Variants in MTNAP1 observed in about 807,000 individuals in gnomAD.
The protein encoded by MTNAP1 is mitochondrial nucleoid associated protein 1.
chr17:73,237,312 T>C, the MTNAP1 span, among the ~76,000 whole-genome samples: 1 of 152,134 alleles, frequency 6.6e-6, no homozygotes, highest in African/African-American at 2.4e-5. Context: ...GTGGCGCACC[T>C]GTAGTCCCAG....
chr17:73,246,214 G>A, the MTNAP1 span, among the ~76,000 whole-genome samples: 3 of 152,176 alleles, frequency 2.0e-5, no homozygotes, highest in African/African-American at 7.2e-5. Context: ...CATGAGGTCA[G>A]TTCCTCTTAT....
the MTNAP1 span, chr17:73,236,241 AG>A: frequency 4.3e-6 from 7 of 1,614,188 alleles, no homozygotes; most frequent in Non-Finnish European, 5.9e-6. Flanking sequence ...GAGATTCCAA[AG>A]GCAGGGATCA....
chr17:73,247,565 T>C, the MTNAP1 span: 1 of 486,204 alleles, frequency 2.1e-6, no homozygotes, highest in African/African-American at 1.9e-5. Context: ...TTTAACTTAG[T>C]CACAGTAAAT....
At chr17:73,246,906 T>C in the MTNAP1 span, among the ~76,000 whole-genome samples, 1 of 152,168 alleles carries the variant, frequency 6.6e-6, no homozygotes, top group Non-Finnish European at 1.5e-5. Context: ...TTAGGAGAGA[T>C]GCTTAAGGAT....
chr17:73,232,733 T>C, the MTNAP1 span: 78 of 168,700 alleles, frequency 4.6e-4, no homozygotes, highest in African/African-American at 1.8e-3. Context: ...GACGGTGCTC[T>C]GTGGGGAGCT....
At chr17:73,234,789 GTGTA>G in the MTNAP1 span, among the ~76,000 whole-genome samples, 5 of 151,080 alleles carry the variant, frequency 3.3e-5, no homozygotes, top group African/African-American at 1.2e-4. Flanking sequence ...GTGTGTGTGT[GTGTA>G]TATGCATATT....
chr17:73,233,448 C>T, the MTNAP1 span: 2 of 152,244 alleles, frequency 1.3e-5, no homozygotes, highest in African/African-American at 2.4e-5. Context: ...CCCTTCCTAA[C>T]GTTGTTAGCC....
At chr17:73,244,132 C>T in the MTNAP1 span, among the ~76,000 whole-genome samples, 1 of 152,262 alleles carries the variant, frequency 6.6e-6, no homozygotes, top group Non-Finnish European at 1.5e-5. Context: ...TTTCATTTAT[C>T]TTAATTCAAG....
the MTNAP1 span, chr17:73,242,239 C>T: frequency 6.4e-7 from 1 of 1,564,874 alleles, no homozygotes; most frequent in African/African-American, 1.4e-5. Flanking sequence ...TGTTTGGAAC[C>T]ATAGTTTCTT....
the MTNAP1 span, chr17:73,242,768 A>C: frequency 1.5e-6 from 1 of 670,288 alleles, no homozygotes; most frequent in South Asian, 1.9e-5. Flanking sequence ...ATGTGTTTAA[A>C]ATATGTGCGT....
At chr17:73,245,209 T>C in the MTNAP1 span, 2 of 1,613,506 alleles carry the variant, frequency 1.2e-6, no homozygotes, top group South Asian at 1.1e-5. Context: ...TGGACATCAC[T>C]TAAAGCTCTG....
At chr17:73,244,007 T>G in the MTNAP1 span, among the ~76,000 whole-genome samples, 6 of 152,218 alleles carry the variant, frequency 3.9e-5, no homozygotes, top group East Asian at 9.6e-4. Context: ...CACTTACCAA[T>G]GTGTCTAAGT....
the MTNAP1 span, among the ~76,000 whole-genome samples, chr17:73,234,020 A>G: frequency 1.3e-5 from 2 of 152,214 alleles, no homozygotes; most frequent in African/African-American, 4.8e-5. Context: ...TCTATTTTGT[A>G]AGTGGTTTCA....
At chr17:73,234,925 T>G in the MTNAP1 span, among the ~76,000 whole-genome samples, 3 of 152,018 alleles carry the variant, frequency 2.0e-5, no homozygotes, top group Non-Finnish European at 4.4e-5. Context: ...ATCAGTAACC[T>G]TTGGCTGGGC....
chr17:73,246,545 CA>C, the MTNAP1 span, among the ~76,000 whole-genome samples: 1 of 152,036 alleles, frequency 6.6e-6, no homozygotes, highest in Non-Finnish European at 1.5e-5. Context: ...TCAAAAATCC[CA>C]AAAAACCTAC....
the MTNAP1 span, chr17:73,248,864 T>C: frequency 3.6e-6 from 1 of 278,004 alleles, no homozygotes; most frequent in Non-Finnish European, 6.8e-6. Flanking sequence ...AAAAATAAAA[T>C]CATTTTATTA....
chr17:73,236,778 A>G, the MTNAP1 span: 17 of 1,613,980 alleles, frequency 1.1e-5, no homozygotes, highest in Admixed American at 2.2e-4. Flanking sequence ...AGAGCCCTTT[A>G]TGTTCAGCCC....
At chr17:73,236,856 C>G in the MTNAP1 span, 1 of 1,614,112 alleles carries the variant, frequency 6.2e-7, no homozygotes, top group Non-Finnish European at 8.5e-7. Flanking sequence ...CTCTTCGCAG[C>G]TGCATGGGGC....
the MTNAP1 span, chr17:73,242,775 G>A: frequency 4.4e-6 from 3 of 682,090 alleles, no homozygotes. Context: ...TAAAATATGT[G>A]CGTGTAAATC....
Sources: allele counts gnomAD v4.1 joint callset (sites outside exome capture counted in the v4.1 genomes callset), GRCh38; gene constraint gnomAD v4.1.1; transcripts MANE v1.5; gene names NCBI Gene and HGNC (gene_info 2026-07-23, HGNC 2026-07-21).